ACOXL: variants seen among roughly 807,000 people sequenced by gnomAD.
ACOXL encodes the protein acyl-CoA oxidase like.
Under a neutral mutation model 71.9 loss-of-function variants are expected in ACOXL, and 70 were observed. The observed-to-expected ratio is 0.97, with a 90% CI of 0.80 to 1.19. The LOEUF is 1.19. ACOXL is among the 50% of genes most tolerant of loss of function. The pLI is 0.00. For synonymous variants in ACOXL, 253 were observed against 281.6 expected (o/e 0.90, Z 1.02); for missense variants, 703 against 736.3 (o/e 0.95, Z 0.52).
At chr2:111,113,924 C>G (rs1464725259) in intron 17 of ACOXL, among the ~76,000 whole-genome samples, 1 of 152,210 alleles carries the variant, frequency 6.6e-6, no homozygotes, top group African/African-American at 2.4e-5. Context: ...ACATTAATGG[C>G]TCACCAATAT....
intron 11 of ACOXL, among the ~76,000 whole-genome samples, chr2:110,922,775 A>G (rs567803351): frequency 1.1e-4 from 16 of 152,218 alleles, no homozygotes; most frequent in Non-Finnish European, 2.1e-4. Context: ...AAGGAAAGAA[A>G]CAAGAGGTGA....
chr2:110,901,604 C>T (rs976924508), intron 10 of ACOXL, among the ~76,000 whole-genome samples: 2 of 151,874 alleles, frequency 1.3e-5, no homozygotes, highest in Non-Finnish European at 2.9e-5. Context: ...TATTTAATCA[C>T]AGTCAAGTCT....
At chr2:111,008,693 G>C (rs2063991408) in intron 14 of ACOXL, among the ~76,000 whole-genome samples, 1 of 152,144 alleles carries the variant, frequency 6.6e-6, no homozygotes, top group African/African-American at 2.4e-5. Flanking sequence ...GTTAGGTATT[G>C]CCAAATTCTC....
chr2:110,979,397 C>T (rs1003207837), intron 12 of ACOXL, among the ~76,000 whole-genome samples: 3 of 152,160 alleles, frequency 2.0e-5, no homozygotes, highest in Admixed American at 6.5e-5. Context: ...GAAGACAGCA[C>T]GAGGGAAAAC....
At chr2:110,815,341 A>G (rs1687792760) in intron 9 of ACOXL, among the ~76,000 whole-genome samples, 1 of 152,202 alleles carries the variant, frequency 6.6e-6, no homozygotes, top group Admixed American at 6.5e-5. Context: ...CATGTCAATC[A>G]CTATAGTAGT....
rs763390131 is a variant in ACOXL at position 110,979,469 on chromosome 2, G to A, written c.1060-7639G>A. 4.1e-4 allele frequency among the ~76,000 whole-genome samples: 62 copies of A among 152,170 alleles called. 1 individual carries two copies. Among genetic ancestry groups the A allele is most frequent in the Admixed American group, 2.7e-3 (42 of 15,282 alleles). ...CCCATTGGCCAGGACGGTGCCCGTG[G>A]CCCAGCTGTATGAGAAATGGCATTT... On this transcript the variant is annotated intron_variant, in intron 12 of 17. Transcript: ENST00000439055.
At chr2:110,978,999 A>G (rs1574363104) in intron 12 of ACOXL, among the ~76,000 whole-genome samples, 1 of 152,134 alleles carries the variant, frequency 6.6e-6, no homozygotes, top group East Asian at 1.9e-4. Flanking sequence ...ACACATGCAC[A>G]TGAGGAGGCT....
At chr2:111,064,116 C>G (rs1043064947) in intron 16 of ACOXL, among the ~76,000 whole-genome samples, 1 of 152,094 alleles carries the variant, frequency 6.6e-6, no homozygotes, top group Admixed American at 6.5e-5. Context: ...ATACCAAAAT[C>G]TAGGGAGGCA....
At chr2:111,089,989 G>A (rs554704030) in intron 16 of ACOXL, among the ~76,000 whole-genome samples, 128 of 152,358 alleles carry the variant, frequency 8.4e-4, no homozygotes, top group African/African-American at 3.0e-3. Context: ...TTGACGATCT[G>A]TTGAGGCTGA....
intron 14 of ACOXL, among the ~76,000 whole-genome samples, chr2:111,028,126 C>T (rs1261681241): frequency 6.6e-6 from 1 of 151,928 alleles, no homozygotes; most frequent in African/African-American, 2.4e-5. Flanking sequence ...GAGGTCAAGG[C>T]TGCAGTGAGC....
chr2:110,961,108 C>G (rs891091591), intron 12 of ACOXL, among the ~76,000 whole-genome samples: 1 of 152,190 alleles, frequency 6.6e-6, no homozygotes, highest in Non-Finnish European at 1.5e-5. Context: ...ATGACAACCA[C>G]GAGCCTGCCT....
intron 16 of ACOXL, among the ~76,000 whole-genome samples, chr2:111,056,719 C>T (rs1002479284): frequency 4.9e-5 from 7 of 142,350 alleles, no homozygotes; most frequent in Non-Finnish European, 1.0e-4. Context: ...ACCCAGGAGG[C>T]GGAGGTTGCA....
At chr2:110,969,264 T>C (rs2062071683) in intron 12 of ACOXL, among the ~76,000 whole-genome samples, 1 of 151,562 alleles carries the variant, frequency 6.6e-6, no homozygotes, top group African/African-American at 2.4e-5. Context: ...CTCAAGAAAA[T>C]TGAAAGAGAA....
At chr2:110,789,432 T>C (rs1253557880) in intron 3 of ACOXL, among the ~76,000 whole-genome samples, 1 of 152,192 alleles carries the variant, frequency 6.6e-6, no homozygotes, top group African/African-American at 2.4e-5. Context: ...CTGGATGAGT[T>C]AAACAGCAGA....
intron 10 of ACOXL, among the ~76,000 whole-genome samples, chr2:110,871,398 A>G (rs976554198): frequency 6.6e-6 from 1 of 152,130 alleles, no homozygotes; most frequent in African/African-American, 2.4e-5. Context: ...ATATGGAAGC[A>G]TTAGCCACTG....
At position 111,089,039 on chromosome 2, in the gene ACOXL, G is replaced by A. The variant is rs551169143; in HGVS notation, c.1441-3826G>A. 3.9e-5 allele frequency among the ~76,000 whole-genome samples: 6 copies of A among 152,268 alleles called. No individual in the cohort carries two copies. The East Asian group carries it at 7.7e-4, about 20-fold the overall frequency. On this transcript the variant is annotated intron_variant, in intron 16 of 17. Coordinates refer to ENST00000439055, the MANE Select transcript of ACOXL (RefSeq NM_001142807.4). ...TTTGGACCCAGGCACGGTGGCTCAC[G>A]CCTGTAATCCCAGCACTTTGGGAGG...
At chr2:110,793,767 A>G (rs779681157) in intron 4 of ACOXL, 31 bp downstream of exon 4, 16 of 1,559,628 alleles carry the variant, frequency 1.0e-5, no homozygotes, top group Non-Finnish European at 1.4e-5. Context: ...TTGGTCTTCT[A>G]TGGAGAGCCT....
chr2:111,003,860 C>T (rs992767214), intron 14 of ACOXL, among the ~76,000 whole-genome samples: 1 of 152,106 alleles, frequency 6.6e-6, no homozygotes. Flanking sequence ...TGAAAATATG[C>T]TCTTGCCTTA....
intron 10 of ACOXL, among the ~76,000 whole-genome samples, chr2:110,872,565 C>T (rs911704758): frequency 6.6e-5 from 10 of 152,214 alleles, no homozygotes; most frequent in African/African-American, 2.4e-4. Flanking sequence ...GTAGCCTCTC[C>T]CAGGTTCTCA....
Sources: allele counts gnomAD v4.1 joint callset (sites outside exome capture counted in the v4.1 genomes callset), GRCh38; gene constraint gnomAD v4.1.1; transcripts MANE v1.5; gene names NCBI Gene and HGNC (gene_info 2026-07-23, HGNC 2026-07-21).